Variants in TMEM208 observed in about 807,000 individuals in gnomAD.
The protein encoded by TMEM208 is SRP-independent targeting 2 homolog.
A neutral mutation model predicts 26.4 loss-of-function variants in TMEM208; 19 were observed. The observed-to-expected ratio is 0.72, with a 90% confidence interval of 0.50 to 1.06. The LOEUF (loss-of-function observed/expected upper bound fraction) is 1.06. TMEM208 is among the 50% of genes least tolerant of loss of function. The pLI is 0.00. For synonymous variants in TMEM208, 93 were observed against 83.1 expected (o/e 1.12, Z -0.65); for missense variants, 183 against 219.8 (o/e 0.83, Z 1.06).
At chr16:67,227,600 T>C (rs1306683821) in intron 1 of TMEM208, 5 of 565,926 alleles carry the variant, frequency 8.8e-6, no homozygotes, top group Admixed American at 6.8e-5. Flanking sequence ...TAGCTTAGGA[T>C]TGAATTGTTC....
Position 67,228,392 on chromosome 16 carries a change from C to T in TMEM208, c.140C>T (p.Ser47Leu), listed in dbSNP as rs1446446574. ...YCLVTLVFFY[S>L]SASFWAWLAL... ...CTTGTGACGTTGGTCTTCTTTTACT[C>T]ATCTGCCTCATTTTGGGCCTGGGTA... The change falls in exon 3 of 6, where the codon TCA becomes TTA. Residue 47 changes from serine (S) to leucine (L), a missense_variant. Transcript: ENST00000304800. 1.3e-5 allele frequency: 21 copies of T among 1,613,872 alleles called. No individual in the cohort carries two copies. The highest frequency in any genetic ancestry group is 1.8e-5 in the Non-Finnish European group (21 of 1,179,892).
intron 1 of TMEM208, among the ~76,000 whole-genome samples, chr16:67,227,446 C>G (rs1370511728): frequency 1.3e-5 from 2 of 152,174 alleles, no homozygotes; most frequent in Non-Finnish European, 2.9e-5. Flanking sequence ...GGCCAGAGAT[C>G]TAAGTGACCT....
Position 67,227,169 on chromosome 16 carries a change from G to C in TMEM208, c.-50G>C, listed in dbSNP as rs189567481. On this transcript the variant is annotated 5_prime_UTR_variant, in exon 1 of 6. Coordinates refer to ENST00000304800, the MANE Select transcript of TMEM208 (RefSeq NM_014187.4). ...TGCCGATGTGGTGCTTAGTGATTGC[G>C]GTTTCGGTCGCTCTCCCGTGTTTCC... 5.0e-6 allele frequency: 8 copies of C among 1,608,172 alleles called. No homozygotes were observed. The Admixed American group carries it at 1.3e-4, about 27-fold the overall frequency.
chr16:67,227,670 T>G lies in TMEM208; in HGVS notation c.7-166T>G, dbSNP rs766162928. 2.5e-4 allele frequency: 153 copies of G among 612,130 alleles called. 1 individual carries two copies. The highest frequency in any genetic ancestry group is 3.9e-4 in the Non-Finnish European group (135 of 348,178). The allele number at this position is 612,130 out of a possible 1,614,324, so 37.9% of individuals were successfully genotyped here. ...GGTGCTGGAGAGATGGCGTCAGCCC[T>G]AGGCAGAATGGACTGGAGGATGGGT... On this transcript the variant is annotated intron_variant, in intron 1 of 5. Coordinates refer to ENST00000304800, the MANE Select transcript of TMEM208 (RefSeq NM_014187.4).
In TMEM208 at chr16:67,229,084, C is replaced by T. The variant is rs1438243213; in HGVS notation, c.493C>T (p.Gln165Ter). ...GCACAATGAGAAACGGCAGCGCCGA[C>T]AGGAGCGGCGGCAGATGAAGCGGTT... ...PEHNEKRQRR[Q>*]ERRQMKRL is the part of the protein sequence containing the mutation. Residue 165 changes from glutamine (Q) to a stop codon, truncating the protein, a stop_gained, in exon 6 of 6, where the codon CAG becomes TAG. Transcript: ENST00000304800. LOFTEE classifies it high-confidence loss of function. The T allele has an allele frequency of 2.5e-6, 4 of 1,612,136 alleles. No individual in the cohort carries two copies. The highest frequency in any genetic ancestry group is 3.4e-6 in the Non-Finnish European group (4 of 1,179,056).
At chr16:67,227,329 G>A (rs1349822847) in intron 1 of TMEM208, 105 bp downstream of exon 1, 3 of 1,491,362 alleles carry the variant, frequency 2.0e-6, no homozygotes, top group African/African-American at 2.8e-5. Flanking sequence ...GGGCCAGAGC[G>A]GGGCGCCATC....
intron 1 of TMEM208, chr16:67,227,490 AGCGGAG>A: frequency 1.8e-6 from 1 of 564,428 alleles, no homozygotes; most frequent in Non-Finnish European, 3.1e-6. Context: ...GGACTACGCC[AGCGGAG>A]GCCTGAGAGA....
Position 67,229,105 on chromosome 16 carries a change from C to G in TMEM208, c.514C>G (p.Arg172Gly), listed in dbSNP as rs199532825. The change falls in exon 6 of 6, where the codon CGG becomes GGG. Residue 172 changes from arginine to glycine, a missense_variant. By Grantham distance (125) the Arg-to-Gly change is moderately radical. Coordinates refer to ENST00000304800, the MANE Select transcript of TMEM208 (RefSeq NM_014187.4). Reference protein sequence around the residue: ...QRRQERRQMKRL With the variant: ...QRRQERRQMKGL ...CCGACAGGAGCGGCGGCAGATGAAG[C>G]GGTTATAGCCATTGACATTGTGGCC... 3.7e-6 allele frequency: 6 copies of G among 1,601,194 alleles called. No homozygotes were observed. The highest frequency in any genetic ancestry group is 5.1e-6 in the Non-Finnish European group (6 of 1,174,292).
chr16:67,228,445 G>C, intron 3 of TMEM208, 31 bp downstream of exon 3: 1 of 1,614,028 alleles, frequency 6.2e-7, no homozygotes, highest in Non-Finnish European at 8.5e-7. Context: ...AGGTGGATGA[G>C]TGCGTAGGGT....
At chr16:67,228,736 G>T in intron 4 of TMEM208, 61 bp from the exon 5 acceptor site, 1 of 1,566,494 alleles carries the variant, frequency 6.4e-7, no homozygotes, top group Non-Finnish European at 8.7e-7. Flanking sequence ...GAAGGGAGTT[G>T]CAACTTGAAA....
Position 67,228,604 on chromosome 16 carries a change from AC to A in TMEM208, c.274del (p.Leu92SerfsTer14). On this transcript the variant is annotated frameshift_variant, in exon 4 of 6. Coordinates refer to ENST00000304800, the MANE Select transcript of TMEM208 (RefSeq NM_014187.4). LOFTEE classifies it high-confidence loss of function. Reference sequence around the variant, plus strand: ...GGGGCCCTGATGGATGGTGGCATGGACCTCAACATGGAGCAGGGCATGGCAG... The same window carrying A: ...GGGGCCCTGATGGATGGTGGCATGGACTCAACATGGAGCAGGGCATGGCAG... ...EDGALMDGGM[D>X]LNMEQGMAEH... The A allele has an allele frequency of 6.3e-7, 1 of 1,594,110 alleles. No individual in the cohort carries two copies. Among genetic ancestry groups the A allele is most frequent in the Non-Finnish European group, 8.6e-7 (1 of 1,168,560 alleles).
At position 67,227,244 on chromosome 16, in the gene TMEM208, CG is replaced by C; in HGVS notation, c.6+24del. 6.2e-7 allele frequency: 1 copy of C among 1,609,780 alleles called. No homozygotes were observed. The highest frequency in any genetic ancestry group is 8.5e-7 in the Non-Finnish European group (1 of 1,177,384). On this transcript the variant is annotated intron_variant, in intron 1 of 5. Coordinates refer to ENST00000304800, the MANE Select transcript of TMEM208 (RefSeq NM_014187.4). ...ATGGCGGTAAGGAGGATGGATAGGG[CG>C]GGGTCCGCACCAGCAAAGCTCTCCA...
At chr16:67,227,285 G>A in intron 1 of TMEM208, 61 bp downstream of exon 1, 1 of 1,581,368 alleles carries the variant, frequency 6.3e-7, no homozygotes, top group Non-Finnish European at 8.6e-7. Flanking sequence ...CTGTGAGAGT[G>A]AAAACTGAGA....
intron 1 of TMEM208, chr16:67,227,599 A>G: frequency 1.8e-6 from 1 of 566,336 alleles, no homozygotes; most frequent in Non-Finnish European, 3.1e-6. Flanking sequence ...TTAGCTTAGG[A>G]TTGAATTGTT....
At chr16:67,227,783 G>T (rs2034078967) in intron 1 of TMEM208, 53 bp from the exon 2 acceptor site, 2 of 1,427,088 alleles carry the variant, frequency 1.4e-6, no homozygotes, top group Admixed American at 4.1e-5. Flanking sequence ...AGGCTGGTGG[G>T]GAGAATGAGG....
chr16:67,228,325 A>G (rs1331560776), intron 2 of TMEM208, 30 bp from the exon 3 acceptor site: 1 of 1,613,238 alleles, frequency 6.2e-7, no homozygotes, highest in Non-Finnish European at 8.5e-7. Context: ...GTAACTTCTG[A>G]CCCCAACCTG....
chr16:67,228,619 A>T lies in TMEM208; in HGVS notation c.287A>T (p.Gln96Leu). Reference sequence around the variant, plus strand: ...GGTGGCATGGACCTCAACATGGAGCAGGGCATGGCAGAGTGAGTGTCCCCC... The same window carrying T: ...GGTGGCATGGACCTCAACATGGAGCTGGGCATGGCAGAGTGAGTGTCCCCC... ...MDGGMDLNMEQGMAEHLKDVI... is the reference protein window; with the variant it reads ...MDGGMDLNMELGMAEHLKDVI... Residue 96 changes from glutamine (Q) to leucine (L), a missense_variant, in exon 4 of 6, where the codon CAG (glutamine) becomes CTG (leucine). By Grantham distance (113) the Gln-to-Leu change is moderately radical. Coordinates refer to ENST00000304800, the MANE Select transcript of TMEM208 (RefSeq NM_014187.4). The T allele has an allele frequency of 6.4e-7, 1 of 1,569,970 alleles. No homozygotes were observed. Among genetic ancestry groups the T allele is most frequent in the Admixed American group, 1.8e-5 (1 of 55,328 alleles).
At position 67,228,523 on chromosome 16, in the gene TMEM208, A is replaced by G; in HGVS notation, c.191A>G (p.Tyr64Cys). Reference protein sequence around the residue: ...WLALGFSLAVYGASYHSMSSM... With the variant: ...WLALGFSLAVCGASYHSMSSM... ...GCCCTGGGCTTTAGTCTGGCAGTGTATGGGGCCAGCTACCACTCTATGAGC... is the reference window on the plus strand; with the variant it reads ...GCCCTGGGCTTTAGTCTGGCAGTGTGTGGGGCCAGCTACCACTCTATGAGC... The change falls in exon 4 of 6, where the codon TAT becomes TGT. Residue 64 changes from tyrosine to cysteine, a missense_variant. Physicochemically the swap from Tyr to Cys is radical, Grantham distance 194. Transcript: ENST00000304800. The G allele has an allele frequency of 1.2e-6, 2 of 1,613,024 alleles. No individual in the cohort carries two copies. Among genetic ancestry groups the G allele is most frequent in the South Asian group, 1.1e-5 (1 of 91,072 alleles).
intron 2 of TMEM208, 23 bp downstream of exon 2, chr16:67,227,954 C>T (rs1274588192): frequency 1.9e-6 from 3 of 1,570,178 alleles, no homozygotes; most frequent in East Asian, 4.6e-5. Flanking sequence ...CTCCTTGCTT[C>T]TATGCCCACT....
Sources: gnomAD v4.1 joint callset for allele counts (sites outside exome capture counted in the v4.1 genomes callset) on GRCh38, gnomAD v4.1.1 for gene constraint, MANE v1.5 for transcripts, NCBI Gene and HGNC (gene_info 2026-07-23, HGNC 2026-07-21) for gene names.